The following RANBP3L variants were observed in gnomAD, a reference collection of about 807,000 sequenced individuals.
RANBP3L encodes the protein RAN binding protein 3 like.
RANBP3L carries 56 observed loss-of-function variants against 67.2 expected under a neutral mutation model. The observed-to-expected ratio is 0.83, with a 90% confidence interval of 0.67 to 1.04. RANBP3L has a LOEUF of 1.04. RANBP3L is among the 50% of genes least tolerant of loss of function. The pLI is 0.00. For synonymous variants in RANBP3L, 164 were observed against 181.4 expected (o/e 0.90, Z 0.77); for missense variants, 496 against 535.5 (o/e 0.93, Z 0.73).
At chr5:36,299,622 C>T (rs528308921) in intron 1 of RANBP3L, among the ~76,000 whole-genome samples, 86 of 152,000 alleles carry the variant, frequency 5.7e-4, no homozygotes, top group African/African-American at 2.0e-3. Flanking sequence ...AGAATTTATG[C>T]GAAGAAAATA....
Position 36,247,882 on chromosome 5 carries a change from T to C in RANBP3L, c.*1772A>G, listed in dbSNP as rs1473114945. ...CAACCTGGGTGACAGAGCGAGACTCTGTCTAAAAAACAAACAAAATAAATA... is the reference window on the plus strand; with the variant it reads ...CAACCTGGGTGACAGAGCGAGACTCCGTCTAAAAAACAAACAAAATAAATA... On this transcript the variant is annotated 3_prime_UTR_variant, in exon 14 of 14. Coordinates refer to ENST00000296604, the MANE Select transcript of RANBP3L (RefSeq NM_145000.5). Among the ~76,000 whole-genome samples the C allele has an allele frequency of 6.6e-6, 1 of 152,204 alleles. No homozygotes were observed. Among genetic ancestry groups the C allele is most frequent in the Non-Finnish European group, 1.5e-5 (1 of 68,036 alleles).
chr5:36,254,607 G>T (rs1164504307), intron 11 of RANBP3L, among the ~76,000 whole-genome samples: 6 of 151,920 alleles, frequency 3.9e-5, no homozygotes, highest in African/African-American at 1.4e-4. Flanking sequence ...AGAAATCTGT[G>T]TGCCAGTTAC....
At chr5:36,278,296 G>A (rs1199489920) in intron 1 of RANBP3L, among the ~76,000 whole-genome samples, 2 of 151,894 alleles carry the variant, frequency 1.3e-5, no homozygotes, top group African/African-American at 4.8e-5. Flanking sequence ...AAATTCAGAT[G>A]TGGCCCATAA....
chr5:36,279,500 G>T (rs1161495234), intron 1 of RANBP3L, among the ~76,000 whole-genome samples: 2 of 152,126 alleles, frequency 1.3e-5, no homozygotes, highest in African/African-American at 4.8e-5. Context: ...CCAATTTGAA[G>T]GTAAGATAAC....
chr5:36,261,576 G>A (rs1399240380), intron 7 of RANBP3L, among the ~76,000 whole-genome samples: 1 of 151,936 alleles, frequency 6.6e-6, no homozygotes, highest in Non-Finnish European at 1.5e-5. Flanking sequence ...TCTAACCTAT[G>A]CCAATAAATA....
intron 1 of RANBP3L, among the ~76,000 whole-genome samples, chr5:36,290,704 G>A (rs1751673279): frequency 6.7e-6 from 1 of 148,984 alleles, no homozygotes; most frequent in South Asian, 2.1e-4. Flanking sequence ...GTGTAATTAG[G>A]GATGGCCTTG....
At chr5:36,279,615 C>T (rs1301221851) in intron 1 of RANBP3L, among the ~76,000 whole-genome samples, 1 of 152,130 alleles carries the variant, frequency 6.6e-6, no homozygotes, top group African/African-American at 2.4e-5. Flanking sequence ...CCTGCTGAAA[C>T]GATTGCAGCC....
At chr5:36,288,054 A>G (rs1447028471) in intron 1 of RANBP3L, among the ~76,000 whole-genome samples, 2 of 152,236 alleles carry the variant, frequency 1.3e-5, no homozygotes, top group Non-Finnish European at 2.9e-5. Flanking sequence ...ATTACATAGA[A>G]TAAAATGCAC....
chr5:36,261,420 G>A (rs1356003316), intron 7 of RANBP3L, among the ~76,000 whole-genome samples: 1 of 152,052 alleles, frequency 6.6e-6, no homozygotes, highest in African/African-American at 2.4e-5. Flanking sequence ...GCACATAGAA[G>A]GCACCTGCTA....
intron 1 of RANBP3L, among the ~76,000 whole-genome samples, 190 bp downstream of exon 1, chr5:36,301,134 TCC>T (rs1409319310): frequency 6.6e-6 from 1 of 152,176 alleles, no homozygotes; most frequent in Non-Finnish European, 1.5e-5. Flanking sequence ...GAATGACAGC[TCC>T]AAGGAATATG....
At chr5:36,265,368 C>G in intron 5 of RANBP3L, 81 bp downstream of exon 5, 1 of 894,480 alleles carries the variant, frequency 1.1e-6, no homozygotes, top group South Asian at 1.7e-5. Context: ...ATGCCCCCAA[C>G]ACACGCACAC....
chr5:36,285,272 C>A (rs1335243105), intron 1 of RANBP3L, among the ~76,000 whole-genome samples: 1 of 152,164 alleles, frequency 6.6e-6, no homozygotes, highest in Non-Finnish European at 1.5e-5. Flanking sequence ...AAGAATAATT[C>A]TTGGCAAATC....
At chr5:36,285,639 G>C (rs1751268654) in intron 1 of RANBP3L, among the ~76,000 whole-genome samples, 1 of 152,212 alleles carries the variant, frequency 6.6e-6, no homozygotes, top group Non-Finnish European at 1.5e-5. Context: ...ATTAGTATGT[G>C]AATGTTAGAT....
rs16902914 is a variant in RANBP3L at position 36,277,242 on chromosome 5, A to G, written c.92-5931T>C. Reference sequence around the variant, plus strand: ...ATTTCTGCTCCTTGTGCACTGTCTCACCCCAATCTCCAGGACTTTCCTTTA... The same window carrying G: ...ATTTCTGCTCCTTGTGCACTGTCTCGCCCCAATCTCCAGGACTTTCCTTTA... On this transcript the variant is annotated intron_variant, in intron 1 of 13. Coordinates refer to ENST00000296604, the MANE Select transcript of RANBP3L (RefSeq NM_145000.5). 1.3e-4 allele frequency among the ~76,000 whole-genome samples: 20 copies of G among 151,462 alleles called. No individual in the cohort carries two copies. In the East Asian group the frequency reaches 3.3e-3, roughly 25 times the overall value.
intron 1 of RANBP3L, among the ~76,000 whole-genome samples, chr5:36,288,279 G>A (rs529047271): frequency 2.0e-5 from 3 of 152,060 alleles, no homozygotes; most frequent in Non-Finnish European, 2.9e-5. Flanking sequence ...ACATTTCTGA[G>A]ATTCACCTAC....
rs990059995 is a variant in RANBP3L at position 36,292,812 on chromosome 5, G to T, written c.91+8514C>A. 7.9e-5 allele frequency among the ~76,000 whole-genome samples: 12 copies of T among 152,216 alleles called. No homozygotes were observed. In the South Asian group the frequency reaches 8.3e-4, roughly 11 times the overall value. On this transcript the variant is annotated intron_variant, in intron 1 of 13. Coordinates refer to ENST00000296604, the MANE Select transcript of RANBP3L (RefSeq NM_145000.5). ...TGTTTTGGTTACTGTAGCCTTGTAG[G>T]ATAGTTTGAAGTCAGGTAGCGTGAT...
At chr5:36,295,547 T>G (rs1346979707) in intron 1 of RANBP3L, among the ~76,000 whole-genome samples, 3 of 152,148 alleles carry the variant, frequency 2.0e-5, no homozygotes, top group African/African-American at 7.2e-5. Context: ...GAGTTCTTTA[T>G]AGCAGCATGA....
At chr5:36,256,349 G>A (rs1249528651) in intron 10 of RANBP3L, among the ~76,000 whole-genome samples, 2 of 152,042 alleles carry the variant, frequency 1.3e-5, no homozygotes, top group Non-Finnish European at 2.9e-5. Context: ...TTAGAGAAAA[G>A]CAGATGGAGA....
rs868080304 is a variant in RANBP3L, at chr5:36,262,033, C to T, written c.490G>A (p.Gly164Arg). 6.4e-7 allele frequency: 1 copy of T among 1,556,422 alleles called. No individual in the cohort carries two copies. Among genetic ancestry groups the T allele is most frequent in the South Asian group, 1.1e-5 (1 of 88,746 alleles). The change falls in exon 7 of 14, where the codon GGA becomes AGA. Residue 164 changes from glycine to arginine, a missense_variant. By Grantham distance (125) the Gly-to-Arg change is moderately radical. Coordinates refer to ENST00000296604, the MANE Select transcript of RANBP3L (RefSeq NM_145000.5). The part of the protein sequence containing the change: ...KEKTNNKISE[G>R]NSYLLSENLS... ...TTTTCACTTAACAAATAGGAATTTC[C>T]CTCAGAAATCTGAAAGTAAAGAAAT...
Sources: gnomAD v4.1 joint callset for allele counts (sites outside exome capture counted in the v4.1 genomes callset) on GRCh38, gnomAD v4.1.1 for gene constraint, MANE v1.5 for transcripts, NCBI Gene and HGNC (gene_info 2026-07-23, HGNC 2026-07-21) for gene names.